Variants in HTR7 observed in about 807,000 individuals in gnomAD.
HTR7 encodes the protein 5-HT-7.
A neutral mutation model predicts 34.0 loss-of-function variants in HTR7; 16 were observed. That is an observed-to-expected ratio of 0.47 (90% CI 0.32 to 0.71). The LOEUF (loss-of-function observed/expected upper bound fraction) is 0.71, where lower values mean the gene tolerates loss of function less well. Ranked by LOEUF, HTR7 falls within the 30% of genes least tolerant of loss-of-function variation. The probability of loss-of-function intolerance (pLI) is 0.04; values close to 1 mark genes in which losing one functional copy is unlikely to be tolerated. For missense variants in HTR7, 504 were observed against 625.5 expected, an observed-to-expected ratio of 0.81 and a Z score of 2.07; for synonymous variants, 265 against 260.2, an observed-to-expected ratio of 1.02 and a Z score of -0.18.
At chr10:90,781,282 G>A (rs1845302081) in intron 1 of HTR7, among the ~76,000 whole-genome samples, 1 of 151,974 alleles carries the variant, frequency 6.6e-6, no homozygotes, top group African/African-American at 2.4e-5. Context: ...TATATATATG[G>A]CATCTCCCTA....
At chr10:90,812,378 C>A (rs1396353620) in intron 1 of HTR7, among the ~76,000 whole-genome samples, 1 of 152,272 alleles carries the variant, frequency 6.6e-6, no homozygotes, top group East Asian at 1.9e-4. Context: ...GTGCTATCCC[C>A]AAACTGCCAC....
At chr10:90,784,661 G>T (rs115937093) in intron 1 of HTR7, among the ~76,000 whole-genome samples, 1,818 of 152,260 alleles carry the variant, frequency 0.012, 41 homozygotes, top group African/African-American at 0.041. Flanking sequence ...AAGCCAAGAG[G>T]TTTGCTTAAG....
At chr10:90,767,933 A>C (rs1845048279) in intron 1 of HTR7, among the ~76,000 whole-genome samples, 1 of 152,014 alleles carries the variant, frequency 6.6e-6, no homozygotes, top group Admixed American at 6.6e-5. Flanking sequence ...GGAGCTCCAG[A>C]CCCATGAATC....
At chr10:90,823,635 T>A (rs1455710402) in intron 1 of HTR7, among the ~76,000 whole-genome samples, 1 of 152,010 alleles carries the variant, frequency 6.6e-6, no homozygotes, top group African/African-American at 2.4e-5. Context: ...TTTTGAAATG[T>A]GAGAAGGACA....
chr10:90,802,790 G>A (rs1845649249), intron 1 of HTR7, among the ~76,000 whole-genome samples: 1 of 152,102 alleles, frequency 6.6e-6, no homozygotes, highest in African/African-American at 2.4e-5. Context: ...CATGATCATG[G>A]AATCAGTCCT....
intron 1 of HTR7, among the ~76,000 whole-genome samples, chr10:90,844,764 A>AAAAAAAAC (rs1846387807): frequency 1.5e-5 from 2 of 136,754 alleles, no homozygotes; most frequent in Non-Finnish European, 3.2e-5. Flanking sequence ...AAAAAAAAAA[A>AAAAAAAAC]GATCAGTCTG....
intron 1 of HTR7, among the ~76,000 whole-genome samples, chr10:90,801,451 A>G (rs1845625890): frequency 6.6e-6 from 1 of 152,234 alleles, no homozygotes; most frequent in African/African-American, 2.4e-5. Context: ...CCCCCAAAAT[A>G]TATTTATTTG....
chr10:90,780,798 G>C (rs956629992), intron 1 of HTR7, among the ~76,000 whole-genome samples: 1 of 152,082 alleles, frequency 6.6e-6, no homozygotes, highest in Non-Finnish European at 1.5e-5. Flanking sequence ...AAAATCCAAC[G>C]GGATTGTTGG....
chr10:90,793,605 A>G (rs1433675223), intron 1 of HTR7, among the ~76,000 whole-genome samples: 1 of 151,502 alleles, frequency 6.6e-6, no homozygotes, highest in Non-Finnish European at 1.5e-5. Flanking sequence ...AAGACACTGT[A>G]TTAGTCAGGG....
intron 1 of HTR7, among the ~76,000 whole-genome samples, chr10:90,827,518 GA>G (rs144180724): frequency 1.1e-3 from 172 of 151,252 alleles, no homozygotes; most frequent in African/African-American, 4.0e-3. Flanking sequence ...CACATAAACT[GA>G]AAAAAAAGAA....
intron 1 of HTR7, among the ~76,000 whole-genome samples, chr10:90,802,360 A>T (rs1845640611): frequency 6.6e-6 from 1 of 152,234 alleles, no homozygotes; most frequent in South Asian, 2.1e-4. Context: ...TAAAAGTTCC[A>T]TCCCTCCGGG....
intron 1 of HTR7, among the ~76,000 whole-genome samples, chr10:90,779,171 T>C (rs546420986): frequency 2.0e-5 from 3 of 152,314 alleles, no homozygotes; most frequent in African/African-American, 4.8e-5. Flanking sequence ...TGAAGAAACA[T>C]AGTGCCTCTT....
intron 1 of HTR7, among the ~76,000 whole-genome samples, chr10:90,753,457 A>G (rs1348943549): frequency 6.6e-6 from 1 of 152,212 alleles, no homozygotes; most frequent in East Asian, 1.9e-4. Context: ...AGAGATGCAC[A>G]TTTTAAAATG....
At chr10:90,814,839 T>C (rs151049222) in intron 1 of HTR7, among the ~76,000 whole-genome samples, 1 of 152,262 alleles carries the variant, frequency 6.6e-6, no homozygotes, top group African/African-American at 2.4e-5. Flanking sequence ...TTACCCTAGA[T>C]TGGAGAAATT....
chr10:90,770,960 G>A (rs1003112299), intron 1 of HTR7, among the ~76,000 whole-genome samples: 1 of 152,178 alleles, frequency 6.6e-6, no homozygotes, highest in Non-Finnish European at 1.5e-5. Flanking sequence ...ATGGACTAAT[G>A]GGCACACACT....
chr10:90,845,347 T>A (rs77401089), intron 1 of HTR7, among the ~76,000 whole-genome samples: 102 of 152,270 alleles, frequency 6.7e-4, no homozygotes, highest in Non-Finnish European at 1.3e-3. Flanking sequence ...ATCCTAACAA[T>A]ATCCTCCTCA....
chr10:90,803,162 A>G (rs556889299), intron 1 of HTR7, among the ~76,000 whole-genome samples: 1 of 152,178 alleles, frequency 6.6e-6, no homozygotes, highest in South Asian at 2.1e-4. Context: ...AGTAAGACTA[A>G]AAGTTTATTT....
At chr10:90,794,644 G>A (rs1845510840) in intron 1 of HTR7, among the ~76,000 whole-genome samples, 3 of 151,934 alleles carry the variant, frequency 2.0e-5, no homozygotes, top group South Asian at 2.1e-4. Context: ...GGGACTAAAG[G>A]TGCACACCAC....
At position 90,819,850 on chromosome 10, in the gene HTR7, T is replaced by TA. The variant is rs374696872; in HGVS notation, c.539+37282dup. Reference sequence around the variant, plus strand: ...AGGCTTATCCCAGAGATTCCCATCTTAAAAAAAAAAAAAGAACATCTTTTA... The same window carrying TA: ...AGGCTTATCCCAGAGATTCCCATCTTAAAAAAAAAAAAAAGAACATCTTTTA... On this transcript the variant is annotated intron_variant, in intron 1 of 3. Coordinates refer to ENST00000336152, the MANE Select transcript of HTR7 (RefSeq NM_019859.4). Among the ~76,000 whole-genome samples, 113 of 141,878 alleles carry TA rather than the reference T, an allele frequency of 8.0e-4. 1 individual carries two copies. Among genetic ancestry groups the TA allele is most frequent in the Middle Eastern group, 3.6e-3 (1 of 280 alleles). 93.1% of individuals were successfully genotyped at this position (141,878 alleles called of 152,430 possible). A position where few individuals can be genotyped will look rare whatever the true frequency, so the allele number is the denominator to read the frequency against.
Sources: gnomAD v4.1 joint callset for allele counts (sites outside exome capture counted in the v4.1 genomes callset) on GRCh38, gnomAD v4.1.1 for gene constraint, MANE v1.5 for transcripts, NCBI Gene and HGNC (gene_info 2026-07-23, HGNC 2026-07-21) for gene names.